ZNF131: variants seen among roughly 807,000 people sequenced by gnomAD.
The protein encoded by ZNF131 is zinc finger and BTB domain containing 35.
Under a neutral mutation model 60.0 loss-of-function variants are expected in ZNF131, and 7 were observed. The observed-to-expected ratio is 0.12, with a 90% CI of 0.07 to 0.22. The LOEUF (loss-of-function observed/expected upper bound fraction) is 0.22, where lower values mean the gene tolerates loss of function less well. ZNF131 is among the 10% of genes least tolerant of loss of function. The pLI is 1.00. For synonymous variants in ZNF131, 257 were observed against 253.2 expected (o/e 1.01, Z -0.14); for missense variants, 493 against 740.9 (o/e 0.67, Z 3.88).
intron 3 of ZNF131, among the ~76,000 whole-genome samples, chr5:43,130,329 A>G (rs1745172729): frequency 6.6e-6 from 1 of 151,780 alleles, no homozygotes; most frequent in South Asian, 2.1e-4. Flanking sequence ...GACAGAATCA[A>G]AAAGTTCTGG....
intron 4 of ZNF131, among the ~76,000 whole-genome samples, chr5:43,153,992 C>G (rs1288239253): frequency 6.6e-6 from 1 of 152,130 alleles, no homozygotes; most frequent in Non-Finnish European, 1.5e-5. Flanking sequence ...TGTGATAAAG[C>G]TGAACCATTA....
chr5:43,161,764 G>A lies in ZNF131; in HGVS notation c.887G>A (p.Arg296Gln), dbSNP rs549914104. Residue 296 changes from arginine (R) to glutamine (Q), a missense_variant, in exon 5 of 7, where the codon CGA (arginine) becomes CAA (glutamine). Transcript: ENST00000682664. ...TTCAAGTGTGAAATATGCAATAAAC[G>A]ATATCTTCGAGAGAGCGCATGGAAA... ...ESFKCEICNK[R>Q]YLRESAWKQH... 2.4e-5 allele frequency: 38 copies of A among 1,614,160 alleles called. No homozygotes were observed. The East Asian group carries it at 6.9e-4, about 29-fold the overall frequency.
intron 6 of ZNF131, 133 bp downstream of exon 6, chr5:43,173,581 A>G (rs1751250228): frequency 2.6e-6 from 3 of 1,172,676 alleles, no homozygotes; most frequent in Non-Finnish European, 3.4e-6. Context: ...AATAAAGAAC[A>G]TTATTGTCTT....
In ZNF131 at chr5:43,150,327, AAAAT is replaced by A. The variant is rs1283737767; in HGVS notation, c.372-10918_372-10915del. On this transcript the variant is annotated intron_variant, in intron 4 of 6. Coordinates refer to ENST00000682664, the MANE Select transcript of ZNF131 (RefSeq NM_001330707.2). Reference sequence around the variant, plus strand: ...ACAGACAACTTTGAAAAGATAGTCCAAAATAAAAGGCTCTCAATGTCTTTGTTTA... The same window carrying A: ...ACAGACAACTTTGAAAAGATAGTCCAAAAAGGCTCTCAATGTCTTTGTTTA... 8.5e-5 allele frequency among the ~76,000 whole-genome samples: 13 copies of A among 152,346 alleles called. 1 individual carries two copies. Among genetic ancestry groups the A allele is most frequent in the African/African-American group, 3.1e-4 (13 of 41,584 alleles).
In ZNF131 at chr5:43,141,701, C is replaced by G. The variant is rs377553725; in HGVS notation, c.371+2392C>G. On this transcript the variant is annotated intron_variant, in intron 4 of 6. Coordinates refer to ENST00000682664, the MANE Select transcript of ZNF131 (RefSeq NM_001330707.2). ...TACGATCGCTTGAGCATGGGAGACT[C>G]AGAGGTTGCAGTGAGCCGAGATTGC... 4.6e-5 allele frequency among the ~76,000 whole-genome samples: 7 copies of G among 150,862 alleles called. No individual in the cohort carries two copies. In the East Asian group the frequency reaches 7.8e-4, roughly 17 times the overall value.
intron 5 of ZNF131, among the ~76,000 whole-genome samples, chr5:43,170,188 G>A (rs922846611): frequency 6.6e-6 from 1 of 152,128 alleles, no homozygotes; most frequent in Non-Finnish European, 1.5e-5. Context: ...TAGTGATATT[G>A]CCCATCATTT....
Position 43,175,466 on chromosome 5 carries a change from TC to T in ZNF131, c.*335del, listed in dbSNP as rs1442481241. 1.0e-5 allele frequency: 7 copies of T among 699,472 alleles called. No homozygotes were observed. The highest frequency in any genetic ancestry group is 9.0e-5 in the South Asian group (6 of 66,648). The allele number at this position is 699,472 out of a possible 1,614,324, so 43.3% of individuals were successfully genotyped here. On this transcript the variant is annotated 3_prime_UTR_variant, in exon 7 of 7. Transcript: ENST00000682664. ...TTTTCTCTTTCCCAGGTCATGTTCT[TC>T]CTCAAATTTTTTCCATATTGTAAAA...
Position 43,174,427 on chromosome 5 carries a change from C to T in ZNF131, c.1186-20C>T, listed in dbSNP as rs777709839. 5 of 1,510,046 alleles carry T rather than the reference C, an allele frequency of 3.3e-6. No homozygotes were observed. The highest frequency in any genetic ancestry group is 4.4e-6 in the Non-Finnish European group (5 of 1,130,580). The allele number at this position is 1,510,046 out of a possible 1,614,324, so 93.5% of individuals were successfully genotyped here. On this transcript the variant is annotated intron_variant, in intron 6 of 6. Coordinates refer to ENST00000682664, the MANE Select transcript of ZNF131 (RefSeq NM_001330707.2). ...GTTTGGATATAAGTATTGTCTACAT[C>T]ATATTTTTGGTTATTTCAGGTCTGC... is the stretch of plus-strand genomic sequence containing the variant.
intron 4 of ZNF131, among the ~76,000 whole-genome samples, chr5:43,141,028 T>C (rs1421970079): frequency 6.6e-6 from 1 of 151,590 alleles, no homozygotes; most frequent in Non-Finnish European, 1.5e-5. Flanking sequence ...CGAATAAAAG[T>C]TTTTTTTTAA....
intron 4 of ZNF131, among the ~76,000 whole-genome samples, chr5:43,148,767 G>C (rs1187883021): frequency 6.6e-6 from 1 of 152,162 alleles, no homozygotes; most frequent in Non-Finnish European, 1.5e-5. Flanking sequence ...TATAATATAA[G>C]CTGCACATAT....
intron 5 of ZNF131, among the ~76,000 whole-genome samples, chr5:43,163,875 A>G (rs1011324381): frequency 3.3e-5 from 5 of 152,202 alleles, no homozygotes; most frequent in African/African-American, 1.2e-4. Flanking sequence ...TAGGTTTGTC[A>G]CTGTCAGTTG....
chr5:43,150,258 A>G (rs1346591881), intron 4 of ZNF131, among the ~76,000 whole-genome samples: 5 of 152,112 alleles, frequency 3.3e-5, no homozygotes, highest in Admixed American at 6.6e-5. Context: ...CCTACTCTCC[A>G]CTCTGGAAGA....
chr5:43,173,315 T>C lies in ZNF131; in HGVS notation c.1055-3T>C, dbSNP rs772013502. 5 of 1,586,190 alleles carry C rather than the reference T, an allele frequency of 3.2e-6. No individual in the cohort carries two copies. The East Asian group carries it at 6.7e-5, about 21-fold the overall frequency. On this transcript the variant is annotated splice_region_variant and splice_polypyrimidine_tract_variant and intron_variant, in intron 5 of 6. Coordinates refer to ENST00000682664, the MANE Select transcript of ZNF131 (RefSeq NM_001330707.2). ...CCAACGTATCTTTTTTCCCCTCTAA[T>C]AGGTGAAAAACCTTTTGAATGTCCA...
intron 2 of ZNF131, 49 bp downstream of exon 2, chr5:43,122,226 T>C (rs1488963686): frequency 6.4e-7 from 1 of 1,573,698 alleles, no homozygotes; most frequent in Non-Finnish European, 8.6e-7. Flanking sequence ...TCAGTTTTTT[T>C]CTGTCCTTCG....
rs546892062 is a variant in ZNF131, at chr5:43,176,302, T to A, written c.*1169T>A. The A allele has an allele frequency of 1.3e-5, 2 of 152,372 alleles. No homozygotes were observed. Among genetic ancestry groups the A allele is most frequent in the African/African-American group, 2.4e-5 (1 of 41,598 alleles). 9.4% of individuals were successfully genotyped at this position (152,372 alleles called of 1,614,324 possible). On this transcript the variant is annotated 3_prime_UTR_variant, in exon 7 of 7. Transcript: ENST00000682664. Reference sequence around the variant, plus strand: ...AATATTGGGAGTTCTTTACATTTTTTAAGTAAACTTTAAAATTATGTGTTC... The same window carrying A: ...AATATTGGGAGTTCTTTACATTTTTAAAGTAAACTTTAAAATTATGTGTTC...
intron 5 of ZNF131, among the ~76,000 whole-genome samples, chr5:43,170,892 C>A (rs1482982277): frequency 1.3e-5 from 2 of 151,620 alleles, no homozygotes; most frequent in Admixed American, 1.3e-4. Flanking sequence ...GACTCAGTCT[C>A]CCAAAGTGCT....
chr5:43,174,921 G>C lies in ZNF131; in HGVS notation c.1660G>C (p.Glu554Gln). The change falls in exon 7 of 7, where the codon GAA (glutamate) becomes CAA (glutamine). Residue 554 changes from glutamate to glutamine, a missense_variant. Around this residue, in one of 7 missense-constraint regions of ZNF131, gnomAD observed 202 missense variants for 221.3 expected, o/e 0.91. Transcript: ENST00000682664. ...TGAACGGGTCAATCAAATGCCAGTGGAAGTACAAACTGAACTTCTAGAAGC... is the reference window on the plus strand; with the variant it reads ...TGAACGGGTCAATCAAATGCCAGTGCAAGTACAAACTGAACTTCTAGAAGC... ...HVERVNQMPV[E>Q]VQTELLEADL... The C allele has an allele frequency of 6.2e-7, 1 of 1,614,134 alleles. No individual in the cohort carries two copies. Among genetic ancestry groups the C allele is most frequent in the Non-Finnish European group, 8.5e-7 (1 of 1,180,036 alleles).
chr5:43,152,404 T>C (rs1275762748), intron 4 of ZNF131, among the ~76,000 whole-genome samples: 1 of 150,950 alleles, frequency 6.6e-6, no homozygotes, highest in African/African-American at 2.5e-5. Flanking sequence ...TAGTGGAGCA[T>C]GGTGTTTTGC....
intron 5 of ZNF131, among the ~76,000 whole-genome samples, chr5:43,166,559 AC>A: frequency 6.6e-6 from 1 of 151,724 alleles, no homozygotes; most frequent in Non-Finnish European, 1.5e-5. Flanking sequence ...ACAGGGTTTC[AC>A]CGTGTTGGCC....
Sources: allele counts gnomAD v4.1 joint callset (sites outside exome capture counted in the v4.1 genomes callset), GRCh38; gene constraint gnomAD v4.1.1; regional missense constraint gnomAD v4.1.1; transcripts MANE v1.5; gene names NCBI Gene and HGNC (gene_info 2026-07-23, HGNC 2026-07-21).